MAGI2: variants seen among roughly 807,000 people sequenced by gnomAD.
MAGI2 encodes membrane associated guanylate kinase, WW and PDZ domain containing 2, also known as membrane-associated guanylate kinase, WW and PDZ domain-containing protein 2.
A neutral mutation model predicts 133.3 loss-of-function variants in MAGI2; 35 were observed. The observed-to-expected ratio is 0.26, with a 90% confidence interval of 0.20 to 0.35. MAGI2 has a LOEUF of 0.35. Among genes scored for constraint, MAGI2 ranks in the 10% least tolerant of loss-of-function variants. MAGI2 has a pLI of 1.00. For synonymous variants in MAGI2, 729 were observed against 710.6 expected (o/e 1.03, Z -0.41); for missense variants, 1,636 against 1,863.4 (o/e 0.88, Z 2.25).
chr7:78,281,881 T>G (rs953477001), intron 9 of MAGI2, among the ~76,000 whole-genome samples: 3 of 116,340 alleles, frequency 2.6e-5, no homozygotes, highest in African/African-American at 1.1e-4. Flanking sequence ...CAAAACTCCA[T>G]CTCAAAAAAA....
intron 1 of MAGI2, among the ~76,000 whole-genome samples, chr7:79,066,229 C>T (rs182497839): frequency 2.0e-5 from 3 of 151,898 alleles, no homozygotes; most frequent in Admixed American, 2.0e-4. Flanking sequence ...TCTATTGTTT[C>T]CTGACTTTAT....
intron 9 of MAGI2, among the ~76,000 whole-genome samples, chr7:78,329,359 A>T (rs567982626): frequency 6.6e-6 from 1 of 152,316 alleles, no homozygotes; most frequent in Admixed American, 6.5e-5. Flanking sequence ...CTTTATTCAG[A>T]ATACTAAGAA....
intron 2 of MAGI2, among the ~76,000 whole-genome samples, chr7:78,838,007 A>G (rs1185932881): frequency 6.6e-6 from 1 of 152,090 alleles, no homozygotes; most frequent in African/African-American, 2.4e-5. Context: ...AACCTGCACA[A>G]TCACTCAGGT....
At chr7:78,021,423 C>G (rs1808384968) in intron 21 of MAGI2, among the ~76,000 whole-genome samples, 1 of 152,196 alleles carries the variant, frequency 6.6e-6, no homozygotes, top group South Asian at 2.1e-4. Flanking sequence ...GTGATTCAAG[C>G]TCTTGCCTCT....
At chr7:78,862,617 T>G (rs1310117875) in intron 2 of MAGI2, among the ~76,000 whole-genome samples, 1 of 152,246 alleles carries the variant, frequency 6.6e-6, no homozygotes, top group Non-Finnish European at 1.5e-5. Flanking sequence ...ATGAACTTTT[T>G]CCTAACCACT....
chr7:78,932,782 C>G (rs1298647349), intron 2 of MAGI2, among the ~76,000 whole-genome samples: 2 of 152,084 alleles, frequency 1.3e-5, no homozygotes, highest in Non-Finnish European at 2.9e-5. Context: ...AATTCATTGA[C>G]AAGTTTGCCA....
chr7:79,434,498 G>A (rs1292162955), intron 1 of MAGI2, among the ~76,000 whole-genome samples: 1 of 152,144 alleles, frequency 6.6e-6, no homozygotes, highest in Admixed American at 6.5e-5. Context: ...GTAGGGCATC[G>A]TTATGCCTGA....
At chr7:78,479,728 GGCCATGA>G (rs1221725008) in intron 6 of MAGI2, among the ~76,000 whole-genome samples, 1 of 151,738 alleles carries the variant, frequency 6.6e-6, no homozygotes, top group Non-Finnish European at 1.5e-5. Flanking sequence ...CATAAATATA[GGCCATGA>G]GCCAGGAAAA....
chr7:78,516,388 G>A (rs1199369223), intron 4 of MAGI2, among the ~76,000 whole-genome samples: 1 of 152,124 alleles, frequency 6.6e-6, no homozygotes, highest in Non-Finnish European at 1.5e-5. Flanking sequence ...GTCTCACTCT[G>A]TTACCCAGGC....
intron 1 of MAGI2, chr7:79,412,615 G>C (rs962286698): frequency 1.3e-5 from 2 of 152,150 alleles, no homozygotes; most frequent in Non-Finnish European, 2.9e-5. Flanking sequence ...ACTCTTGACA[G>C]AGGGCTGATC....
At chr7:78,498,122 G>A (rs868304686) in intron 5 of MAGI2, among the ~76,000 whole-genome samples, 1 of 151,956 alleles carries the variant, frequency 6.6e-6, no homozygotes, top group Non-Finnish European at 1.5e-5. Flanking sequence ...TTTGAAAATG[G>A]CTGAGAGTAG....
At chr7:79,142,239 T>C (rs1428472586) in intron 1 of MAGI2, among the ~76,000 whole-genome samples, 1 of 152,216 alleles carries the variant, frequency 6.6e-6, no homozygotes, top group Admixed American at 6.5e-5. Flanking sequence ...TTATCTATTC[T>C]GTTATTTGGA....
At chr7:78,820,956 T>A (rs1442719502) in intron 2 of MAGI2, among the ~76,000 whole-genome samples, 1 of 152,030 alleles carries the variant, frequency 6.6e-6, no homozygotes. Flanking sequence ...ATACAACATG[T>A]CATTTATTTC....
intron 2 of MAGI2, among the ~76,000 whole-genome samples, chr7:78,879,162 C>A (rs920680490): frequency 1.3e-5 from 2 of 152,104 alleles, no homozygotes; most frequent in Admixed American, 6.5e-5. Flanking sequence ...CCACTGGAGC[C>A]CCCATTGGCA....
intron 1 of MAGI2, among the ~76,000 whole-genome samples, chr7:79,024,095 T>G (rs917637209): frequency 1.5e-4 from 23 of 152,126 alleles, no homozygotes; most frequent in African/African-American, 5.3e-4. Context: ...ACTACAAGGC[T>G]ACATTCACCA....
At chr7:78,939,196 G>A (rs767302660) in intron 2 of MAGI2, among the ~76,000 whole-genome samples, 3 of 152,000 alleles carry the variant, frequency 2.0e-5, no homozygotes, top group Non-Finnish European at 4.4e-5. Flanking sequence ...GTTCCACCAC[G>A]TTGGCCAGGC....
At chr7:79,384,418 G>T (rs903536285) in intron 1 of MAGI2, among the ~76,000 whole-genome samples, 7 of 150,590 alleles carry the variant, frequency 4.6e-5, no homozygotes, top group African/African-American at 1.7e-4. Context: ...TAGGATAAAT[G>T]GGATATACTT....
intron 1 of MAGI2, among the ~76,000 whole-genome samples, chr7:79,447,005 T>A (rs1848902462): frequency 6.6e-6 from 1 of 152,130 alleles, no homozygotes; most frequent in Non-Finnish European, 1.5e-5. Flanking sequence ...GGGATGCAAT[T>A]GAGTTAATAT....
intron 1 of MAGI2, among the ~76,000 whole-genome samples, chr7:79,358,412 ATAGCACTCTT>A (rs2129119117): frequency 6.6e-6 from 1 of 152,284 alleles, no homozygotes; most frequent in South Asian, 2.1e-4. Flanking sequence ...TTAAAGGCCT[ATAGCACTCTT>A]GCACAAGGGA....
Sources: allele counts gnomAD v4.1 joint callset (sites outside exome capture counted in the v4.1 genomes callset), GRCh38; gene constraint gnomAD v4.1.1; transcripts MANE v1.5; gene names NCBI Gene and HGNC (gene_info 2026-07-23, HGNC 2026-07-21).